Variants in PPM1B observed in about 807,000 individuals in gnomAD.
PPM1B encodes the protein protein phosphatase, Mg2+/Mn2+ dependent 1B, also known as protein phosphatase 1B.
A neutral mutation model predicts 43.0 loss-of-function variants in PPM1B; 22 were observed. The ratio of observed to expected loss-of-function variants is 0.51; its 90% CI spans 0.37 to 0.73. The LOEUF (loss-of-function observed/expected upper bound fraction) is 0.73. Among genes scored for constraint, PPM1B ranks in the 30% least tolerant of loss-of-function variants. The pLI is 0.00. For missense variants in PPM1B, 632 were observed against 584.2 expected, an observed-to-expected ratio of 1.08 and a Z score of -0.84; for synonymous variants, 217 against 197.9, an observed-to-expected ratio of 1.10 and a Z score of -0.81.
intron 3 of PPM1B, among the ~76,000 whole-genome samples, chr2:44,212,991 C>T (rs189067186): frequency 1.1e-4 from 14 of 132,822 alleles, no homozygotes; most frequent in East Asian, 2.1e-4. Flanking sequence ...CCAGGCTGGG[C>T]GACAGAGCAA....
rs1045435900 is a variant in PPM1B, at chr2:44,218,410, A to T, written c.1077-70A>T. ...ACTTTTTTAGTGTGGTCAGGATGAA[A>T]TATTGAGATATTCACAAGCTTAAAA... On this transcript the variant is annotated intron_variant, in intron 4 of 5. Coordinates refer to ENST00000282412, the MANE Select transcript of PPM1B (RefSeq NM_002706.6). 2.0e-5 allele frequency: 23 copies of T among 1,178,972 alleles called. No homozygotes were observed. The Middle Eastern group carries it at 7.7e-4, about 39-fold the overall frequency. 73.0% of individuals were successfully genotyped at this position (1,178,972 alleles called of 1,614,324 possible).
rs778544856 is a variant in PPM1B, at chr2:44,230,427, A to T, written c.1149A>T (p.Ala383=). The T allele has an allele frequency of 5.6e-6, 9 of 1,613,968 alleles. No individual in the cohort carries two copies. Among genetic ancestry groups the T allele is most frequent in the Non-Finnish European group, 7.6e-6 (9 of 1,179,846 alleles). Residue 383 remains alanine, a synonymous_variant, in exon 6 of 6, where the codon GCA becomes GCT. Coordinates refer to ENST00000282412, the MANE Select transcript of PPM1B (RefSeq NM_002706.6). ...HRESDGASDE[A]EESGSQGKLV... ...CTTAAAAAAAGGCCTCCGATGAAGC[A>T]GAGGAAAGTGGATCACAGGGAAAAT...
At chr2:44,237,301 G>A (rs537574999), downstream of PPM1B, among the ~76,000 whole-genome samples, 8 of 152,274 alleles carry the variant, frequency 5.3e-5, 1 homozygote, top group South Asian at 1.7e-3. Context: ...GTTACATTAT[G>A]GTCTAGAAGT....
At position 44,201,215 on chromosome 2, in the gene PPM1B, G is replaced by A. The variant is rs555992061; in HGVS notation, c.16G>A (p.Asp6Asn). The change falls in exon 2 of 6, where the codon GAT (aspartate) becomes AAT (asparagine). Residue 6 changes from aspartate (D) to asparagine (N), a missense_variant. This residue lies in a region of PPM1B where 200 missense variants were observed against 200.7 expected (regional missense o/e 1.00). Transcript: ENST00000282412. This position sits in a 1 kb window ranked among gnomAD's most constrained non-coding sequence, Gnocchi z 5.4. MGAFL[D>N]KPKTEKHNAH... Reference sequence around the variant, plus strand: ...ATTGCTAAACATGGGTGCATTTTTGGATAAACCCAAAACTGAAAAACATAA... The same window carrying A: ...ATTGCTAAACATGGGTGCATTTTTGAATAAACCCAAAACTGAAAAACATAA... 1 of 1,583,884 alleles carries A rather than the reference G, an allele frequency of 6.3e-7. No individual in the cohort carries two copies. Among genetic ancestry groups the A allele is most frequent in the Non-Finnish European group, 8.6e-7 (1 of 1,163,078 alleles).
At chr2:44,210,622 C>T (rs1669416780) in intron 3 of PPM1B, among the ~76,000 whole-genome samples, 2 of 152,060 alleles carry the variant, frequency 1.3e-5, no homozygotes, top group East Asian at 1.9e-4. Context: ...TGTAATACCA[C>T]GTTTGGCTTA....
intron 1 of PPM1B, among the ~76,000 whole-genome samples, chr2:44,181,731 A>G (rs370763797): frequency 4.7e-4 from 71 of 152,322 alleles, no homozygotes; most frequent in African/African-American, 1.7e-3. Flanking sequence ...GGGTGCAGAG[A>G]TGAAGTTTTT....
At chr2:44,196,377 A>T (rs1397594510) in intron 1 of PPM1B, among the ~76,000 whole-genome samples, 1 of 152,022 alleles carries the variant, frequency 6.6e-6, no homozygotes, top group Non-Finnish European at 1.5e-5. Context: ...GTTATTATGG[A>T]TTTTGTTTTG....
downstream of PPM1B, chr2:44,244,435 G>C (rs1323201104): frequency 1.7e-6 from 2 of 1,146,222 alleles, no homozygotes; most frequent in East Asian, 1.2e-4. Context: ...AGTGGAGACA[G>C]AGAAGGACTG....
intron 5 of PPM1B, chr2:44,219,047 A>G (rs1239902349): frequency 9.9e-6 from 3 of 302,606 alleles, no homozygotes; most frequent in Non-Finnish European, 1.9e-5. Context: ...TGAGATAACC[A>G]TTTCTGTTGT....
intron 3 of PPM1B, among the ~76,000 whole-genome samples, chr2:44,212,643 C>G (rs1172085321): frequency 1.3e-5 from 2 of 151,998 alleles, no homozygotes; most frequent in African/African-American, 4.8e-5. Flanking sequence ...TTTTTATCCT[C>G]CATTCTTGCC....
intron 5 of PPM1B, among the ~76,000 whole-genome samples, chr2:44,223,134 A>T (rs1670050830): frequency 6.6e-6 from 1 of 152,176 alleles, no homozygotes; most frequent in Non-Finnish European, 1.5e-5. Flanking sequence ...ATCCAACCAC[A>T]AGATAATCTG....
At chr2:44,214,797 C>A (rs1424024306) in intron 3 of PPM1B, among the ~76,000 whole-genome samples, 1 of 152,162 alleles carries the variant, frequency 6.6e-6, no homozygotes, top group South Asian at 2.1e-4. Context: ...GCCTAAAGTT[C>A]TCCTAGTCAG....
intron 1 of PPM1B, among the ~76,000 whole-genome samples, chr2:44,179,580 C>T (rs1667759613): frequency 1.3e-5 from 2 of 152,124 alleles, no homozygotes; most frequent in African/African-American, 2.4e-5. Flanking sequence ...ATGACAAAAT[C>T]TTACAGGCAT....
At chr2:44,191,061 T>C (rs1332847359) in intron 1 of PPM1B, among the ~76,000 whole-genome samples, 1 of 152,228 alleles carries the variant, frequency 6.6e-6, no homozygotes, top group Non-Finnish European at 1.5e-5. Flanking sequence ...TAACCAACTT[T>C]AAATATTGCC....
downstream of PPM1B, chr2:44,231,540 C>G (rs1252483093): frequency 3.9e-6 from 3 of 768,114 alleles, no homozygotes; most frequent in South Asian, 6.0e-5. Flanking sequence ...GGAAGAATAC[C>G]CATTAGAAAT....
chr2:44,200,955 C>G (rs1668904133), intron 1 of PPM1B, among the ~76,000 whole-genome samples: 1 of 152,120 alleles, frequency 6.6e-6, no homozygotes, highest in African/African-American at 2.4e-5. Context: ...GTGTCCCATC[C>G]CTAGGGATTC....
At chr2:44,181,572 G>C (rs1245393177) in intron 1 of PPM1B, among the ~76,000 whole-genome samples, 1 of 152,200 alleles carries the variant, frequency 6.6e-6, no homozygotes, top group Non-Finnish European at 1.5e-5. Context: ...GGTAGGGTGA[G>C]AGAGACACTG....
chr2:44,172,275 C>G (rs1261295400), intron 1 of PPM1B, among the ~76,000 whole-genome samples: 2 of 152,118 alleles, frequency 1.3e-5, no homozygotes, highest in Non-Finnish European at 2.9e-5. Flanking sequence ...ATATTAGCAG[C>G]TTTAAAGTTT....
chr2:44,225,151 A>T (rs1038952097), intron 5 of PPM1B, among the ~76,000 whole-genome samples: 7 of 152,198 alleles, frequency 4.6e-5, no homozygotes, highest in African/African-American at 1.7e-4. Context: ...ACCTGTGAGG[A>T]TTCAGTAAGA....
Sources: allele counts gnomAD v4.1 joint callset (sites outside exome capture counted in the v4.1 genomes callset), GRCh38; gene constraint gnomAD v4.1.1; regional missense constraint gnomAD v4.1.1; non-coding constraint Gnocchi (gnomAD v3.1); transcripts MANE v1.5; gene names NCBI Gene and HGNC (gene_info 2026-07-23, HGNC 2026-07-21).